The following TDRD9 variants were observed in gnomAD, a reference collection of about 807,000 sequenced individuals.
TDRD9 encodes the protein tudor domain containing 9, also known as ATP-dependent RNA helicase TDRD9.
In TDRD9, 124 loss-of-function variants were observed where a neutral mutation model predicts 172.6. The observed-to-expected ratio is 0.72, with a 90% CI of 0.62 to 0.83. The LOEUF is 0.83. Among genes scored for constraint, TDRD9 ranks in the 40% least tolerant of loss-of-function variants. The pLI is 0.00. For synonymous variants in TDRD9, 619 were observed against 617.1 expected, an observed-to-expected ratio of 1.00 and a Z score of -0.05; for missense variants, 1,479 against 1,714.1, an observed-to-expected ratio of 0.86 and a Z score of 2.42.
intron 4 of TDRD9, among the ~76,000 whole-genome samples, chr14:103,965,974 A>C (rs2032727248): frequency 6.6e-6 from 1 of 151,998 alleles, no homozygotes; most frequent in African/African-American, 2.4e-5. Context: ...CAAACAAAAA[A>C]AGAAACCAGC....
At chr14:104,045,979 C>T (rs951005045) in intron 34 of TDRD9, among the ~76,000 whole-genome samples, 9 of 152,210 alleles carry the variant, frequency 5.9e-5, no homozygotes, top group East Asian at 1.9e-4. Context: ...TTTTTTGAGA[C>T]GGAGTCTTGC....
intron 14 of TDRD9, among the ~76,000 whole-genome samples, chr14:104,004,932 T>C (rs911694105): frequency 6.6e-6 from 1 of 152,118 alleles, no homozygotes; most frequent in Non-Finnish European, 1.5e-5. Flanking sequence ...GATCAGCTTT[T>C]TTTCCTTCCT....
chr14:104,005,178 C>G, intron 14 of TDRD9, 96 bp from the exon 15 acceptor site: 1 of 1,299,124 alleles, frequency 7.7e-7, no homozygotes. Context: ...TCCTCTCCTT[C>G]TCTCCTCCTC....
intron 32 of TDRD9, among the ~76,000 whole-genome samples, chr14:104,036,905 G>A (rs2035466223): frequency 6.6e-6 from 1 of 152,166 alleles, no homozygotes; most frequent in Non-Finnish European, 1.5e-5. Context: ...GGTAGCAGGG[G>A]GGCCTGGTTG....
Position 104,029,455 on chromosome 14 carries a change from T to C in TDRD9, c.3283-1653T>C, listed in dbSNP as rs2035217535. Among the ~76,000 whole-genome samples the C allele has an allele frequency of 4.6e-5, 7 of 152,204 alleles. No homozygotes were observed. The South Asian group carries it at 1.4e-3, about 31-fold the overall frequency. ...TTGTAGGTATTGTAAATGGGATTGC[T>C]TTCTTGATATCTTTTTTAGCTAGTT... On this transcript the variant is annotated intron_variant, in intron 28 of 35. Coordinates refer to ENST00000409874, the MANE Select transcript of TDRD9 (RefSeq NM_153046.3).
At chr14:104,016,112 C>T in intron 22 of TDRD9, 24 bp downstream of exon 22, 1 of 1,515,122 alleles carries the variant, frequency 6.6e-7, no homozygotes, top group Non-Finnish European at 9.0e-7. Flanking sequence ...GCAGGCCGTC[C>T]TCTCTGGGGT....
At chr14:104,005,816 T>C (rs917597448) in intron 15 of TDRD9, among the ~76,000 whole-genome samples, 9 of 152,174 alleles carry the variant, frequency 5.9e-5, no homozygotes, top group African/African-American at 1.9e-4. Flanking sequence ...TTCTTTATTA[T>C]GATTGATTGA....
chr14:104,013,299 AAC>A (rs2034672671), intron 20 of TDRD9, among the ~76,000 whole-genome samples: 1 of 152,220 alleles, frequency 6.6e-6, no homozygotes, highest in Admixed American at 6.5e-5. Context: ...TTTTGTGTGA[AAC>A]AGTTTTTATT....
intron 1 of TDRD9, among the ~76,000 whole-genome samples, chr14:103,948,943 T>C (rs906724661): frequency 6.6e-6 from 1 of 151,502 alleles, no homozygotes; most frequent in Non-Finnish European, 1.5e-5. Context: ...ATTCCACTTA[T>C]ATGAGATTCC....
At chr14:104,040,398 G>A in intron 33 of TDRD9, 64 bp downstream of exon 33, 1 of 1,450,480 alleles carries the variant, frequency 6.9e-7, no homozygotes, top group Admixed American at 2.2e-5. Flanking sequence ...TTACCTGACA[G>A]TGAGTGCAGG....
At chr14:104,022,735 A>G (rs2034999363) in intron 24 of TDRD9, among the ~76,000 whole-genome samples, 1 of 150,502 alleles carries the variant, frequency 6.6e-6, no homozygotes, top group Admixed American at 6.6e-5. Flanking sequence ...TTAAAAAATA[A>G]ATAAATAAAT....
At chr14:104,008,530 G>A in intron 20 of TDRD9, 64 bp downstream of exon 20, 1 of 1,085,188 alleles carries the variant, frequency 9.2e-7, no homozygotes, top group East Asian at 2.4e-5. Flanking sequence ...TTTATTAAAT[G>A]ACAACAATAT....
At chr14:103,972,920 C>G (rs2033093959) in intron 6 of TDRD9, among the ~76,000 whole-genome samples, 1 of 152,170 alleles carries the variant, frequency 6.6e-6, no homozygotes, top group Non-Finnish European at 1.5e-5. Flanking sequence ...CTTAACCAAG[C>G]TGCCATTGAA....
chr14:104,010,075 A>C (rs2034566743), intron 20 of TDRD9, among the ~76,000 whole-genome samples: 1 of 151,062 alleles, frequency 6.6e-6, no homozygotes, highest in South Asian at 2.1e-4. Context: ...CCTCCCGAGT[A>C]GCTGGGATTA....
At chr14:103,994,495 G>A in intron 10 of TDRD9, 24 bp from the exon 11 acceptor site, 2 of 1,610,892 alleles carry the variant, frequency 1.2e-6, no homozygotes, top group Non-Finnish European at 8.5e-7. Context: ...TCTTTATGGA[G>A]ATTTTATTTT....
intron 8 of TDRD9, among the ~76,000 whole-genome samples, chr14:103,988,220 C>A (rs1244111960): frequency 6.6e-6 from 1 of 151,842 alleles, no homozygotes; most frequent in Non-Finnish European, 1.5e-5. Context: ...TGTCACCAGG[C>A]TGGAGTGCAG....
At chr14:103,990,190 C>T (rs2033816557) in intron 8 of TDRD9, among the ~76,000 whole-genome samples, 1 of 152,248 alleles carries the variant, frequency 6.6e-6, no homozygotes, top group Admixed American at 6.5e-5. Context: ...TTGTTGCCAG[C>T]ATCCCATGCA....
chr14:104,032,927 C>T (rs541112795), intron 30 of TDRD9, among the ~76,000 whole-genome samples: 2 of 152,186 alleles, frequency 1.3e-5, no homozygotes, highest in South Asian at 2.1e-4. Flanking sequence ...GATACAGAGG[C>T]GTCAGCCAAG....
At chr14:103,956,105 AAAAAAAATATATATATAT>A (rs1402642329) in intron 2 of TDRD9, among the ~76,000 whole-genome samples, 5 of 39,560 alleles carry the variant, frequency 1.3e-4, no homozygotes. Flanking sequence ...AAAAAAAAAA[AAAAAAAATATATATATAT>A]ATATATATAT....
Sources: allele counts gnomAD v4.1 joint callset (sites outside exome capture counted in the v4.1 genomes callset), GRCh38; gene constraint gnomAD v4.1.1; transcripts MANE v1.5; gene names NCBI Gene and HGNC (gene_info 2026-07-23, HGNC 2026-07-21).